The following KMT2E variants were observed in gnomAD, a reference collection of about 807,000 sequenced individuals.
KMT2E encodes histone reader KMT2E.
In KMT2E, 30 loss-of-function variants were observed where a neutral mutation model predicts 184.6. The ratio of observed to expected loss-of-function variants is 0.16; its 90% CI spans 0.12 to 0.22. The LOEUF (loss-of-function observed/expected upper bound fraction) is 0.22. Among genes scored for constraint, KMT2E ranks in the 10% least tolerant of loss-of-function variants. KMT2E has a pLI of 1.00. For missense variants in KMT2E, 2,023 were observed against 2,237.4 expected (o/e 0.90, Z 1.93); for synonymous variants, 815 against 776.5 (o/e 1.05, Z -0.82).
chr7:105,043,764 A>G (rs1795986785), intron 3 of KMT2E, among the ~76,000 whole-genome samples: 1 of 152,196 alleles, frequency 6.6e-6, no homozygotes, highest in South Asian at 2.1e-4. Context: ...ATTTGGAAAT[A>G]GCGTTTTTTC....
intron 2 of KMT2E, chr7:105,039,246 C>G (rs545593934): frequency 1.3e-5 from 2 of 152,280 alleles, no homozygotes; most frequent in South Asian, 4.1e-4. Context: ...GTGGCAAGCT[C>G]TTTACTGAAA....
Position 105,049,979 on chromosome 7 carries a change from C to T in KMT2E, c.71+8956C>T, listed in dbSNP as rs117885352. Among the ~76,000 whole-genome samples the T allele has an allele frequency of 2.9e-3, 443 of 152,294 alleles. 1 individual carries two copies. The highest frequency in any genetic ancestry group is 9.5e-3 in the South Asian group (46 of 4,818). ...TTGCCCTCTGGATCTTACCCCTTCT[C>T]ACCTTTTCAGAATCTTCATTCTTCC... is the stretch of plus-strand genomic sequence containing the variant. On this transcript the variant is annotated intron_variant, in intron 3 of 26. Coordinates refer to ENST00000311117, the MANE Select transcript of KMT2E (RefSeq NM_182931.3).
intron 20 of KMT2E, 121 bp from the exon 21 acceptor site, chr7:105,107,041 TAAAC>T (rs1256237867): frequency 6.8e-5 from 45 of 661,616 alleles, no homozygotes; most frequent in African/African-American, 1.8e-4. Flanking sequence ...GGAATGGAAA[TAAAC>T]AGGAAACAAG....
chr7:105,059,989 T>TTG (rs1554388851), intron 3 of KMT2E, among the ~76,000 whole-genome samples: 1 of 65,774 alleles, frequency 1.5e-5, no homozygotes, highest in African/African-American at 1.2e-4. Context: ...TTTTTTTTTT[T>TTG]TTTTTTTTTT....
Position 105,110,825 on chromosome 7 carries a change from A to T in KMT2E, c.4025A>T (p.Asp1342Val), listed in dbSNP as rs761467512. The T allele has an allele frequency of 6.2e-7, 1 of 1,614,120 alleles. No homozygotes were observed. Among genetic ancestry groups the T allele is most frequent in the Non-Finnish European group, 8.5e-7 (1 of 1,179,976 alleles). Residue 1342 changes from aspartate to valine, a missense_variant, in exon 26 of 27, where the codon GAT (aspartate) becomes GTT (valine). Asp to Val is a radical substitution (Grantham distance 152). This residue lies in a region of KMT2E where 1,108 missense variants were observed against 1,050.9 expected (regional missense o/e 1.05). Coordinates refer to ENST00000311117, the MANE Select transcript of KMT2E (RefSeq NM_182931.3). ...PTTTNECPSPDTSQNTCKSPP... is the reference protein window; with the variant it reads ...PTTTNECPSPVTSQNTCKSPP... ...ACTACGAATGAATGTCCATCCCCAG[A>T]TACTTCTCAAAATACTTGTAAAAGT...
At chr7:105,080,485 T>G (rs1797720490) in intron 12 of KMT2E, among the ~76,000 whole-genome samples, 1 of 152,118 alleles carries the variant, frequency 6.6e-6, no homozygotes, top group Non-Finnish European at 1.5e-5. Context: ...TTGTTCTGCT[T>G]CAGCCGCCAG....
At chr7:105,109,298 G>A (rs1799069730) in intron 23 of KMT2E, 70 bp downstream of exon 23, 2 of 1,476,500 alleles carry the variant, frequency 1.4e-6, no homozygotes, top group Admixed American at 1.9e-5. Flanking sequence ...CCTATTTGTT[G>A]TTCTCCCAAG....
chr7:105,056,387 G>T (rs1350779306), intron 3 of KMT2E, among the ~76,000 whole-genome samples: 3 of 152,042 alleles, frequency 2.0e-5, no homozygotes, highest in African/African-American at 7.2e-5. Context: ...TATTACAAGG[G>T]TTTAGACATT....
At chr7:105,038,807 G>A (rs894400403) in intron 2 of KMT2E, among the ~76,000 whole-genome samples, 6 of 151,172 alleles carry the variant, frequency 4.0e-5, no homozygotes, top group South Asian at 2.1e-4. Flanking sequence ...TAAGCGATGC[G>A]AATTTTCTCA....
chr7:105,022,396 A>G (rs890013901), intron 1 of KMT2E, among the ~76,000 whole-genome samples: 1 of 151,968 alleles, frequency 6.6e-6, no homozygotes, highest in Non-Finnish European at 1.5e-5. Flanking sequence ...CTTGGTCTTA[A>G]GGTTTCTTCA....
intron 3 of KMT2E, among the ~76,000 whole-genome samples, chr7:105,042,973 G>T (rs1226890164): frequency 6.6e-6 from 1 of 152,078 alleles, no homozygotes; most frequent in African/African-American, 2.4e-5. Context: ...CACTCAAAGG[G>T]AAAATTAGAG....
chr7:105,063,435 A>G lies in KMT2E; in HGVS notation c.271A>G (p.Ile91Val), dbSNP rs1013534993. The change falls in exon 5 of 27, where the codon ATA becomes GTA. Residue 91 changes from isoleucine (I) to valine (V), a missense_variant. By Grantham distance (29) the Ile-to-Val change is conservative (BLOSUM62 3). Coordinates refer to ENST00000311117, the MANE Select transcript of KMT2E (RefSeq NM_182931.3). ...SVLISKNEVGIFTTPNFDETS... is the reference protein window; with the variant it reads ...SVLISKNEVGVFTTPNFDETS... ...CCTTATTAGCAAAAATGAAGTAGGC[A>G]TATTTACCACTCCTAATTTTGATGA... The G allele has an allele frequency of 1.2e-6, 2 of 1,613,826 alleles. No individual in the cohort carries two copies. The highest frequency in any genetic ancestry group is 1.3e-5 in the African/African-American group (1 of 74,902).
intron 1 of KMT2E, among the ~76,000 whole-genome samples, chr7:105,026,558 G>A (rs1379256133): frequency 2.0e-5 from 3 of 152,146 alleles, no homozygotes; most frequent in East Asian, 3.8e-4. Context: ...GGTTAACATC[G>A]CTGGAGTCAG....
At chr7:105,086,652 G>A (rs1443149356) in intron 13 of KMT2E, among the ~76,000 whole-genome samples, 1 of 151,706 alleles carries the variant, frequency 6.6e-6, no homozygotes, top group East Asian at 1.9e-4. Context: ...TTGAACCTGG[G>A]AGGTGGAGGT....
Position 105,077,315 on chromosome 7 carries a change from A to G in KMT2E, c.1012A>G (p.Lys338Glu). 6.2e-7 allele frequency: 1 copy of G among 1,609,462 alleles called. No homozygotes were observed. The highest frequency in any genetic ancestry group is 8.5e-7 in the Non-Finnish European group (1 of 1,177,008). ...FKPPVESHIQKNKKILKSAKD... is the reference protein window; with the variant it reads ...FKPPVESHIQENKKILKSAKD... ...ACTCTGATTTTAGAGCCATATACAA[A>G]AGAATAAGAAAATTCTTAAATCTGC... The change falls in exon 11 of 27, where the codon AAG becomes GAG. Residue 338 changes from lysine (K) to glutamate (E), a missense_variant. Around this residue, in one of 8 missense-constraint regions of KMT2E, gnomAD observed 191 missense variants for 209.0 expected, o/e 0.91. Transcript: ENST00000311117.
At chr7:105,078,580 T>C (rs1374084995) in intron 11 of KMT2E, among the ~76,000 whole-genome samples, 1 of 151,292 alleles carries the variant, frequency 6.6e-6, no homozygotes, top group Non-Finnish European at 1.5e-5. Flanking sequence ...GCAGCCTTGA[T>C]GTCCTGGGCT....
rs190155568 is a variant in KMT2E at position 105,036,216 on chromosome 7, A to G, written c.-188-1910A>G. Among the ~76,000 whole-genome samples, 1,038 of 141,440 alleles carry G rather than the reference A, an allele frequency of 7.3e-3. 7 individuals are homozygous for G. Among genetic ancestry groups the G allele is most frequent in the Non-Finnish European group, 9.9e-3 (652 of 66,056 alleles). The allele number at this position is 141,440 out of a possible 152,430, so 92.8% of individuals were successfully genotyped here. On this transcript the variant is annotated intron_variant, in intron 1 of 26. Transcript: ENST00000311117. ...TTTTTTTTGGCAGAGTCTGTCACCC[A>G]GGCTGGAGTGCAGTGGAGCAATCTT...
chr7:105,095,220 G>C (rs1798353874), intron 15 of KMT2E, among the ~76,000 whole-genome samples: 1 of 152,120 alleles, frequency 6.6e-6, no homozygotes, highest in South Asian at 2.1e-4. Flanking sequence ...CTTATAGCTG[G>C]AGAGAGATCA....
Position 105,073,668 on chromosome 7 carries a change from A to G in KMT2E, c.547A>G (p.Asn183Asp). The change falls in exon 7 of 27, where the codon AAT (asparagine) becomes GAT (aspartate). Residue 183 changes from asparagine (N) to aspartate (D), a missense_variant. By Grantham distance (23) the Asn-to-Asp change is conservative. Transcript: ENST00000311117. ...AVLLQRRKRE[N>D]MSDGDTSATE... ...GCTACTACAACGCCGGAAAAGGGAA[A>G]ATATGTCAGGTAGGTAAAAAGGACC... 1 of 1,601,648 alleles carries G rather than the reference A, an allele frequency of 6.2e-7. No individual in the cohort carries two copies. The highest frequency in any genetic ancestry group is 1.3e-5 in the African/African-American group (1 of 74,752).
Sources: gnomAD v4.1 joint callset for allele counts (sites outside exome capture counted in the v4.1 genomes callset) on GRCh38, gnomAD v4.1.1 for gene constraint, gnomAD v4.1.1 regional missense constraint, MANE v1.5 for transcripts, NCBI Gene and HGNC (gene_info 2026-07-23, HGNC 2026-07-21) for gene names.